Variants in MYO10 observed in about 807,000 individuals in gnomAD.
MYO10 encodes unconventional myosin-X.
Under a neutral mutation model 257.3 loss-of-function variants are expected in MYO10, and 133 were observed. The observed-to-expected ratio is 0.52, with a 90% CI of 0.45 to 0.60. The LOEUF is 0.60. MYO10 is among the 20% of genes least tolerant of loss of function. The pLI is 0.00. For missense variants in MYO10, 2,399 were observed against 2,635.7 expected, an observed-to-expected ratio of 0.91 and a Z score of 1.97; for synonymous variants, 1,104 against 1,028.6, an observed-to-expected ratio of 1.07 and a Z score of -1.40.
intron 2 of MYO10, among the ~76,000 whole-genome samples, chr5:16,857,101 G>A (rs973135254): frequency 6.6e-6 from 1 of 152,146 alleles, no homozygotes; most frequent in African/African-American, 2.4e-5. Flanking sequence ...GAAATACTTC[G>A]AGGAGGAGAG....
intron 2 of MYO10, among the ~76,000 whole-genome samples, chr5:16,822,812 C>T (rs868813826): frequency 6.4e-4 from 98 of 152,036 alleles, no homozygotes; most frequent in African/African-American, 2.1e-3. Context: ...CTCAGCCTCC[C>T]GCGTAGCTGG....
chr5:16,786,750 A>G (rs1481289399), intron 4 of MYO10, among the ~76,000 whole-genome samples: 1 of 152,160 alleles, frequency 6.6e-6, no homozygotes, highest in Non-Finnish European at 1.5e-5. Context: ...TAAAACTTGG[A>G]AAAACCCTCA....
intron 2 of MYO10, among the ~76,000 whole-genome samples, chr5:16,818,675 C>G (rs1742714980): frequency 1.3e-5 from 2 of 151,554 alleles, no homozygotes; most frequent in Non-Finnish European, 2.9e-5. Context: ...TGGGCTCAAG[C>G]AATCCACCTG....
chr5:16,666,815 C>T (rs1304142795), intron 40 of MYO10, 22 bp from the exon 41 acceptor site: 6 of 1,564,760 alleles, frequency 3.8e-6, no homozygotes, highest in African/African-American at 1.3e-5. Context: ...GAAGCAGAAC[C>T]GACACAGCGT....
At chr5:16,707,424 C>G (rs988746483) in intron 21 of MYO10, among the ~76,000 whole-genome samples, 6 of 152,220 alleles carry the variant, frequency 3.9e-5, no homozygotes, top group African/African-American at 1.4e-4. Flanking sequence ...GGTACCCACT[C>G]AGGCGCTGCT....
intron 1 of MYO10, among the ~76,000 whole-genome samples, chr5:16,934,574 T>C (rs936167785): frequency 6.6e-6 from 1 of 152,216 alleles, no homozygotes. Flanking sequence ...CACAATTATA[T>C]ATATTTCACT....
rs778634402 is a variant in MYO10, at chr5:16,754,848, T to C, written c.1909A>G (p.Ile637Val). 1.1e-5 allele frequency: 17 copies of C among 1,604,488 alleles called. No homozygotes were observed. The African/African-American group carries it at 1.1e-4, about 10-fold the overall frequency. Reference protein sequence around the residue: ...SSSNPFFVRCIKPNMQKMPDQ... With the variant: ...SSSNPFFVRCVKPNMQKMPDQ... ...CTTACCTTCTGCATGTTTGGCTTGA[T>C]ACAGCGAACAAAGAAAGGATTAGAG... The change falls in exon 19 of 41, where the codon ATC becomes GTC. Residue 637 changes from isoleucine (I) to valine (V), a missense_variant. Coordinates refer to ENST00000513610, the MANE Select transcript of MYO10 (RefSeq NM_012334.3).
At chr5:16,766,018 C>T in intron 11 of MYO10, 62 bp downstream of exon 11, 2 of 1,157,066 alleles carry the variant, frequency 1.7e-6, no homozygotes, top group Non-Finnish European at 1.3e-6. Context: ...TCAATCAAAC[C>T]TATGGATCTG....
Position 16,750,008 on chromosome 5 carries a change from G to T in MYO10, c.1929+4820C>A, listed in dbSNP as rs142180551. Among the ~76,000 whole-genome samples the T allele has an allele frequency of 2.6e-3, 392 of 152,316 alleles. 3 individuals are homozygous for T. Among genetic ancestry groups the T allele is most frequent in the African/African-American group, 8.9e-3 (368 of 41,558 alleles). Reference sequence around the variant, plus strand: ...TTCTATCTTAGAGAAATCTGTGGTTGGCTGGAGCACTTTTGGGTACCACCG... The same window carrying T: ...TTCTATCTTAGAGAAATCTGTGGTTTGCTGGAGCACTTTTGGGTACCACCG... On this transcript the variant is annotated intron_variant, in intron 19 of 40. Transcript: ENST00000513610.
chr5:16,875,970 G>A (rs1167606162), intron 2 of MYO10, among the ~76,000 whole-genome samples: 1 of 152,008 alleles, frequency 6.6e-6, no homozygotes, highest in Non-Finnish European at 1.5e-5. Context: ...AAAATTAGTT[G>A]GGTGTGGTGG....
intron 2 of MYO10, among the ~76,000 whole-genome samples, chr5:16,870,788 A>G (rs1328726965): frequency 6.6e-6 from 1 of 152,248 alleles, no homozygotes; most frequent in Middle Eastern, 3.4e-3. Flanking sequence ...GCTACTCAGG[A>G]GGCTGAGGCA....
In MYO10 at chr5:16,758,297, A is replaced by C. The variant is rs573390158; in HGVS notation, c.1740-71T>G. The C allele has an allele frequency of 3.2e-5, 33 of 1,035,476 alleles. 1 individual carries two copies. The South Asian group carries it at 4.2e-4, about 13-fold the overall frequency. 64.1% of individuals were successfully genotyped at this position (1,035,476 alleles called of 1,614,324 possible). ...TATTAGGTGCAAGATTATTGTAATT[A>C]ATGGTGCCCTTTCTCAATGATAATT... On this transcript the variant is annotated intron_variant, in intron 17 of 40. Coordinates refer to ENST00000513610, the MANE Select transcript of MYO10 (RefSeq NM_012334.3).
Position 16,715,392 on chromosome 5 carries a change from A to ATTTTTTTT in MYO10, c.1930-4155_1930-4148dup, listed in dbSNP as rs372307063. Among the ~76,000 whole-genome samples, 11 of 84,360 alleles carry ATTTTTTTT rather than the reference A, an allele frequency of 1.3e-4. 1 individual carries two copies. Among genetic ancestry groups the ATTTTTTTT allele is most frequent in the African/African-American group, 1.9e-4 (4 of 21,496 alleles). 55.3% of individuals were successfully genotyped at this position (84,360 alleles called of 152,430 possible). Reference sequence around the variant, plus strand: ...ATGGCGATGGTGCCGTAAGATTGAAATTTTTTTTTTTTTTTTTTTTTTTTT... The same window carrying ATTTTTTTT: ...ATGGCGATGGTGCCGTAAGATTGAAATTTTTTTTTTTTTTTTTTTTTTTTTTTTTTTTT... On this transcript the variant is annotated intron_variant, in intron 19 of 40. Transcript: ENST00000513610.
intron 10 of MYO10, among the ~76,000 whole-genome samples, chr5:16,768,339 C>T (rs1439159939): frequency 6.6e-6 from 1 of 152,138 alleles, no homozygotes; most frequent in Non-Finnish European, 1.5e-5. Flanking sequence ...ATAAAGAACA[C>T]AGGAAACAGT....
At chr5:16,864,550 A>C (rs865888283) in intron 2 of MYO10, among the ~76,000 whole-genome samples, 7 of 152,356 alleles carry the variant, frequency 4.6e-5, no homozygotes, top group African/African-American at 1.7e-4. Flanking sequence ...AGGAAGGCAG[A>C]AGAGACAGAC....
At chr5:16,886,314 C>T (rs1744896003) in intron 1 of MYO10, among the ~76,000 whole-genome samples, 1 of 152,000 alleles carries the variant, frequency 6.6e-6, no homozygotes, top group African/African-American at 2.4e-5. Context: ...TTTGAGAGTC[C>T]CGAGTTTGTA....
intron 17 of MYO10, 129 bp downstream of exon 17, chr5:16,761,335 G>C (rs914567505): frequency 9.6e-6 from 7 of 728,718 alleles, no homozygotes; most frequent in Non-Finnish European, 1.6e-5. Flanking sequence ...CATTGATGAA[G>C]TATTACCTGG....
intron 2 of MYO10, among the ~76,000 whole-genome samples, chr5:16,851,226 G>A (rs765330690): frequency 8.5e-5 from 13 of 152,080 alleles, no homozygotes; most frequent in South Asian, 8.3e-4. Flanking sequence ...ATTATGTTCC[G>A]GAGACTCTGT....
chr5:16,672,194 C>T (rs1316179969), intron 37 of MYO10, among the ~76,000 whole-genome samples: 1 of 150,894 alleles, frequency 6.6e-6, no homozygotes, highest in Admixed American at 6.7e-5. Context: ...ACTCGGGAGT[C>T]TGAGGCAGGA....
Sources: gnomAD v4.1 joint callset for allele counts (sites outside exome capture counted in the v4.1 genomes callset) on GRCh38, gnomAD v4.1.1 for gene constraint, MANE v1.5 for transcripts, NCBI Gene and HGNC (gene_info 2026-07-23, HGNC 2026-07-21) for gene names.